The following RASSF6 variants were observed in gnomAD, a reference collection of about 807,000 sequenced individuals.
RASSF6 encodes Ras association domain family member 6.
In RASSF6, 52 loss-of-function variants were observed where a neutral mutation model predicts 44.0. That is an observed-to-expected ratio of 1.18 (90% CI 0.95 to 1.49). RASSF6 has a LOEUF of 1.49. Among genes scored for constraint, RASSF6 ranks in the 40% most tolerant of loss-of-function variants. The pLI is 0.00. For synonymous variants in RASSF6, 162 were observed against 124.6 expected (o/e 1.30, Z -2.00); for missense variants, 464 against 393.3 (o/e 1.18, Z -1.52).
chr4:73,581,896 A>T (rs770802142), intron 7 of RASSF6, 28 bp from the exon 8 acceptor site: 1 of 1,563,756 alleles, frequency 6.4e-7, no homozygotes, highest in Non-Finnish European at 8.8e-7. Flanking sequence ...GAACAAATAT[A>T]AATTCTTTGT....
At chr4:73,594,176 A>T (rs926136072) in intron 3 of RASSF6, among the ~76,000 whole-genome samples, 1 of 152,228 alleles carries the variant, frequency 6.6e-6, no homozygotes, top group Non-Finnish European at 1.5e-5. Flanking sequence ...AAGGAGACAA[A>T]TTTAACATAA....
At chr4:73,606,981 G>A (rs1335348350) in intron 2 of RASSF6, among the ~76,000 whole-genome samples, 3 of 152,136 alleles carry the variant, frequency 2.0e-5, no homozygotes, top group Non-Finnish European at 2.9e-5. Flanking sequence ...GCCTGAAAAC[G>A]GGAGACTTCC....
At chr4:73,617,891 C>T (rs77760385) in intron 1 of RASSF6, among the ~76,000 whole-genome samples, 1 of 152,128 alleles carries the variant, frequency 6.6e-6, no homozygotes, top group Non-Finnish European at 1.5e-5. Context: ...TTTTAAAAAT[C>T]TAAGCTTTTA....
intron 1 of RASSF6, chr4:73,616,057 C>T: frequency 2.4e-6 from 2 of 842,308 alleles, no homozygotes; most frequent in South Asian, 1.5e-5. Flanking sequence ...TTTGTAAATT[C>T]AACAAATATT....
intron 2 of RASSF6, among the ~76,000 whole-genome samples, chr4:73,603,168 T>C: frequency 6.6e-6 from 1 of 152,172 alleles, no homozygotes; most frequent in Admixed American, 6.5e-5. Context: ...AAAAAATTGA[T>C]TTTCTAGGAA....
chr4:73,606,337 T>A (rs1443077090), intron 2 of RASSF6, among the ~76,000 whole-genome samples: 1 of 152,200 alleles, frequency 6.6e-6, no homozygotes, highest in South Asian at 2.1e-4. Flanking sequence ...TATTGTATAT[T>A]CTCACTTATA....
Position 73,576,257 on chromosome 4 carries a change from A to G in RASSF6, c.992T>C (p.Ile331Thr). ...CTGCTAAACTGTTGTCTCTGTTTTT[A>G]TTACTAGTTTATTTTGAAGACATTT... ...ILKCLQNKLV[I>T]KTETTV The change falls in exon 11 of 11, where the codon ATA becomes ACA. Residue 331 changes from isoleucine to threonine, a missense_variant. Coordinates refer to ENST00000307439, the MANE Select transcript of RASSF6 (RefSeq NM_177532.5). 1.9e-6 allele frequency: 3 copies of G among 1,558,040 alleles called. No homozygotes were observed. The highest frequency in any genetic ancestry group is 2.6e-6 in the Non-Finnish European group (3 of 1,134,304).
chr4:73,618,524 T>C (rs1726512910), intron 1 of RASSF6, among the ~76,000 whole-genome samples: 1 of 152,168 alleles, frequency 6.6e-6, no homozygotes, highest in Non-Finnish European at 1.5e-5. Flanking sequence ...AAAAGCATAT[T>C]TCCTCTTTGA....
chr4:73,576,360 A>G, intron 10 of RASSF6, 50 bp from the exon 11 acceptor site: 5 of 1,464,572 alleles, frequency 3.4e-6, no homozygotes, highest in Non-Finnish European at 4.7e-6. Flanking sequence ...TATTTTGTGC[A>G]TTGGACATAT....
At chr4:73,617,539 A>G (rs1726443238) in intron 1 of RASSF6, among the ~76,000 whole-genome samples, 1 of 152,162 alleles carries the variant, frequency 6.6e-6, no homozygotes, top group Non-Finnish European at 1.5e-5. Flanking sequence ...CACAAAGATC[A>G]CGACTCATTT....
At chr4:73,579,567 T>C (rs1723467697) in intron 8 of RASSF6, among the ~76,000 whole-genome samples, 1 of 152,186 alleles carries the variant, frequency 6.6e-6, no homozygotes, top group Admixed American at 6.5e-5. Flanking sequence ...TAAAACTATT[T>C]AACTGGTTAT....
Position 73,587,888 on chromosome 4 carries a change from G to T in RASSF6, c.334C>A (p.Leu112Met). 1 of 1,610,266 alleles carries T rather than the reference G, an allele frequency of 6.2e-7. No homozygotes were observed. The highest frequency in any genetic ancestry group is 8.5e-7 in the Non-Finnish European group (1 of 1,177,360). The change falls in exon 5 of 11, where the codon CTG becomes ATG. Residue 112 changes from leucine to methionine, a missense_variant. Physicochemically the swap from Leu to Met is conservative, Grantham distance 15. Coordinates refer to ENST00000307439, the MANE Select transcript of RASSF6 (RefSeq NM_177532.5). Reference protein sequence around the residue: ...EFDDLYRISELDRTQIPMSEK... With the variant: ...EFDDLYRISEMDRTQIPMSEK... ...GACATAGGAATCTGGGTCCTGTCCAGCTCACTAATACGATAGAGATCGTCA... is the reference window on the plus strand; with the variant it reads ...GACATAGGAATCTGGGTCCTGTCCATCTCACTAATACGATAGAGATCGTCA...
At chr4:73,611,966 G>A in intron 1 of RASSF6, 137 bp from the exon 2 acceptor site, 1 of 485,648 alleles carries the variant, frequency 2.1e-6, no homozygotes, top group Non-Finnish European at 3.7e-6. Context: ...TGTCATGTGT[G>A]AGCAAAAATA....
At chr4:73,597,140 A>G (rs1724986784) in intron 3 of RASSF6, among the ~76,000 whole-genome samples, 1 of 152,232 alleles carries the variant, frequency 6.6e-6, no homozygotes, top group Non-Finnish European at 1.5e-5. Context: ...ATTAAACTAA[A>G]GAGCTTCTGT....
intron 2 of RASSF6, among the ~76,000 whole-genome samples, chr4:73,606,252 A>G (rs1160403206): frequency 6.6e-6 from 1 of 152,242 alleles, no homozygotes; most frequent in Non-Finnish European, 1.5e-5. Flanking sequence ...GAGCAAAATC[A>G]TGTCCTTTGC....
intron 4 of RASSF6, among the ~76,000 whole-genome samples, chr4:73,589,814 A>T (rs2149376503): frequency 6.6e-6 from 1 of 152,280 alleles, no homozygotes; most frequent in Non-Finnish European, 1.5e-5. Context: ...TCATTTGCAA[A>T]TTTAAATGAT....
intron 1 of RASSF6, among the ~76,000 whole-genome samples, chr4:73,614,104 C>T (rs1423812446): frequency 6.6e-6 from 1 of 152,214 alleles, no homozygotes; most frequent in Non-Finnish European, 1.5e-5. Flanking sequence ...TATTTAGTCT[C>T]ATTTTTTCCC....
At chr4:73,587,682 T>G (rs1724203815) in intron 5 of RASSF6, among the ~76,000 whole-genome samples, 158 bp downstream of exon 5, 1 of 151,982 alleles carries the variant, frequency 6.6e-6, no homozygotes, top group Non-Finnish European at 1.5e-5. Context: ...TGACTTAAGT[T>G]ACTATGCTCC....
chr4:73,596,990 C>T (rs547085300), intron 3 of RASSF6, among the ~76,000 whole-genome samples: 1 of 151,912 alleles, frequency 6.6e-6, no homozygotes, highest in East Asian at 1.9e-4. Flanking sequence ...GACTAATGAT[C>T]GAAATGTAAA....
Sources: allele counts gnomAD v4.1 joint callset (sites outside exome capture counted in the v4.1 genomes callset), GRCh38; gene constraint gnomAD v4.1.1; transcripts MANE v1.5; gene names NCBI Gene and HGNC (gene_info 2026-07-23, HGNC 2026-07-21).